Variants in DYNC1I1 observed in about 807,000 individuals in gnomAD.
DYNC1I1 encodes dynein cytoplasmic 1 intermediate chain 1, also known as cytoplasmic dynein 1 intermediate chain 1.
A neutral mutation model predicts 86.6 loss-of-function variants in DYNC1I1; 43 were observed. The observed-to-expected ratio is 0.50, with a 90% CI of 0.39 to 0.64. DYNC1I1 has a LOEUF of 0.64. DYNC1I1 is among the 30% of genes least tolerant of loss of function. The pLI, the probability that DYNC1I1 is intolerant of heterozygous loss-of-function variation, is 0.00. For missense variants in DYNC1I1, 604 were observed against 788.8 expected, an observed-to-expected ratio of 0.77 and a Z score of 2.81; for synonymous variants, 262 against 283.7, an observed-to-expected ratio of 0.92 and a Z score of 0.77.
chr7:95,987,604 G>T lies in DYNC1I1; in HGVS notation c.843+449G>T, dbSNP rs137899512. Among the ~76,000 whole-genome samples the T allele has an allele frequency of 3.3e-3, 505 of 152,176 alleles. 10 individuals carry two copies. Among genetic ancestry groups the T allele is most frequent in the Admixed American group, 0.026 (400 of 15,268 alleles). On this transcript the variant is annotated intron_variant, in intron 9 of 16. Coordinates refer to ENST00000447467, the MANE Select transcript of DYNC1I1 (RefSeq NM_001135556.2). ...TCTTTTTCCTCTGACCATCCTTGAGGTCCCTGTGGTCATGCTCTCAACCCC... is the reference window on the plus strand; with the variant it reads ...TCTTTTTCCTCTGACCATCCTTGAGTTCCCTGTGGTCATGCTCTCAACCCC...
rs148072013 is a variant in DYNC1I1 at position 95,846,553 on chromosome 7, AG to A, written c.374+18438del. On this transcript the variant is annotated intron_variant, in intron 5 of 16. Coordinates refer to ENST00000447467, the MANE Select transcript of DYNC1I1 (RefSeq NM_001135556.2). The stretch of plus-strand genomic sequence containing the variant: ...CATCCTTCTTGAAGTAGTCAGAAAA[AG>A]TCAACCATCAAGCTGTTTCCCAGTA... Among the ~76,000 whole-genome samples the A allele has an allele frequency of 4.0e-3, 616 of 152,264 alleles. 7 individuals are homozygous for A. The highest frequency in any genetic ancestry group is 0.013 in the African/African-American group (536 of 41,552).
At chr7:95,927,100 G>A (rs1038440857) in intron 6 of DYNC1I1, among the ~76,000 whole-genome samples, 1 of 152,050 alleles carries the variant, frequency 6.6e-6, no homozygotes, top group Non-Finnish European at 1.5e-5. Context: ...GTTTACAGAT[G>A]ATTTTATTCC....
chr7:95,996,577 T>C (rs1410838624), intron 10 of DYNC1I1, among the ~76,000 whole-genome samples: 1 of 152,232 alleles, frequency 6.6e-6, no homozygotes, highest in Non-Finnish European at 1.5e-5. Flanking sequence ...CTGGGAAATA[T>C]AGATGCTGTT....
At chr7:95,937,481 A>G (rs936659425) in intron 6 of DYNC1I1, among the ~76,000 whole-genome samples, 1 of 150,036 alleles carries the variant, frequency 6.7e-6, no homozygotes, top group Non-Finnish European at 1.5e-5. Context: ...AATTCGATGT[A>G]TGGACCTTAA....
intron 6 of DYNC1I1, among the ~76,000 whole-genome samples, chr7:95,941,964 A>G (rs976720948): frequency 7.2e-5 from 11 of 152,196 alleles, no homozygotes; most frequent in Non-Finnish European, 1.5e-4. Flanking sequence ...TAAAAGAACT[A>G]GAAAAGCAAG....
rs1258599037 is a variant in DYNC1I1, at chr7:95,772,615, C to T, written c.-168C>T. The T allele has an allele frequency of 6.6e-6, 1 of 152,216 alleles. No individual in the cohort carries two copies. The highest frequency in any genetic ancestry group is 2.0e-4 in the East Asian group (1 of 5,126). The allele number at this position is 152,216 out of a possible 1,614,324, so 9.4% of individuals were successfully genotyped here. A position where few individuals can be genotyped will look rare whatever the true frequency, so the allele number is the denominator to read the frequency against. On this transcript the variant is annotated 5_prime_UTR_variant, in exon 1 of 17. Transcript: ENST00000447467. Reference sequence around the variant, plus strand: ...CTGGGAGAGAGGAAGTGATCGCTCCCGGAGGAGCGCGAGCCGAGCGGCCGG... The same window carrying T: ...CTGGGAGAGAGGAAGTGATCGCTCCTGGAGGAGCGCGAGCCGAGCGGCCGG...
chr7:96,023,697 A>T (rs1441721260), intron 10 of DYNC1I1, among the ~76,000 whole-genome samples: 1 of 152,090 alleles, frequency 6.6e-6, no homozygotes, highest in African/African-American at 2.4e-5. Context: ...AAGAGGTGGA[A>T]CTCTGTTTAG....
intron 16 of DYNC1I1, among the ~76,000 whole-genome samples, chr7:96,083,032 T>A (rs1420634096): frequency 6.6e-6 from 1 of 152,260 alleles, no homozygotes; most frequent in East Asian, 1.9e-4. Flanking sequence ...GAAAAATCTC[T>A]GTGACATATA....
At chr7:95,996,295 C>T (rs1241499063) in intron 10 of DYNC1I1, among the ~76,000 whole-genome samples, 1 of 152,182 alleles carries the variant, frequency 6.6e-6, no homozygotes, top group East Asian at 1.9e-4. Flanking sequence ...CATTTTCTTT[C>T]TATTTAAAAC....
chr7:96,068,771 CCTTT>C lies in DYNC1I1; in HGVS notation c.1510-7281_1510-7278del, dbSNP rs369204243. The stretch of plus-strand genomic sequence containing the variant: ...TGAGTTTATATCTGATATTTTTATG[CCTTT>C]CTTTAAGAATTGTGTGTATATGTAC... On this transcript the variant is annotated intron_variant, in intron 14 of 16. Transcript: ENST00000447467. Among the ~76,000 whole-genome samples, 852 of 152,018 alleles carry C rather than the reference CCTTT, an allele frequency of 5.6e-3. 8 individuals carry two copies. The highest frequency in any genetic ancestry group is 0.019 in the African/African-American group (794 of 41,462).
intron 9 of DYNC1I1, among the ~76,000 whole-genome samples, chr7:95,991,537 C>G (rs1245367810): frequency 6.6e-6 from 1 of 152,156 alleles, no homozygotes; most frequent in East Asian, 1.9e-4. Context: ...TTTGCCAGCT[C>G]CCAGGTCCTG....
intron 11 of DYNC1I1, among the ~76,000 whole-genome samples, chr7:96,031,291 C>T (rs1368563477): frequency 6.6e-6 from 1 of 151,918 alleles, no homozygotes; most frequent in Non-Finnish European, 1.5e-5. Flanking sequence ...AACCAGGTAC[C>T]CAAGGAACAG....
chr7:95,780,268 C>T (rs1793953000), intron 1 of DYNC1I1, among the ~76,000 whole-genome samples: 1 of 151,580 alleles, frequency 6.6e-6, no homozygotes, highest in African/African-American at 2.4e-5. Flanking sequence ...AATCACTTCC[C>T]CCACTTTTTT....
chr7:95,859,903 G>T (rs1416164719), intron 5 of DYNC1I1, among the ~76,000 whole-genome samples: 1 of 152,154 alleles, frequency 6.6e-6, no homozygotes, highest in South Asian at 2.1e-4. Flanking sequence ...CTTGCTTCCC[G>T]CTCCTTCTCC....
intron 6 of DYNC1I1, among the ~76,000 whole-genome samples, chr7:95,886,950 G>A (rs1423108068): frequency 2.6e-5 from 4 of 152,148 alleles, no homozygotes; most frequent in Admixed American, 2.6e-4. Context: ...ATACGACAGG[G>A]CAGTTTTCAA....
chr7:95,923,290 T>C (rs938025242), intron 6 of DYNC1I1, among the ~76,000 whole-genome samples: 6 of 152,144 alleles, frequency 3.9e-5, no homozygotes, highest in East Asian at 1.9e-4. Flanking sequence ...CTCTGACTTA[T>C]TCAATGTGAA....
At chr7:95,779,825 T>C (rs917858312) in intron 1 of DYNC1I1, among the ~76,000 whole-genome samples, 3 of 152,200 alleles carry the variant, frequency 2.0e-5, no homozygotes, top group African/African-American at 7.2e-5. Context: ...CTTCCTGAAA[T>C]GTAGCGCCCA....
Position 95,891,931 on chromosome 7 carries a change from A to T in DYNC1I1, c.490+21933A>T, listed in dbSNP as rs553798289. Among the ~76,000 whole-genome samples, 112 of 151,690 alleles carry T rather than the reference A, an allele frequency of 7.4e-4. 2 individuals carry two copies. In the South Asian group the frequency reaches 0.019, roughly 26 times the overall value. ...GTGGTTATTGTCCCCTACACAGTACATGTTAGTTGTAAGTTCTGGTAAATT... is the reference window on the plus strand; with the variant it reads ...GTGGTTATTGTCCCCTACACAGTACTTGTTAGTTGTAAGTTCTGGTAAATT... On this transcript the variant is annotated intron_variant, in intron 6 of 16. Coordinates refer to ENST00000447467, the MANE Select transcript of DYNC1I1 (RefSeq NM_001135556.2).
chr7:96,054,576 G>A (rs180775901), intron 14 of DYNC1I1, among the ~76,000 whole-genome samples: 54 of 152,272 alleles, frequency 3.5e-4, no homozygotes, highest in African/African-American at 1.3e-3. Flanking sequence ...CTTCCACAAT[G>A]GTTGAACTAA....
Sources: allele counts gnomAD v4.1 joint callset (sites outside exome capture counted in the v4.1 genomes callset), GRCh38; gene constraint gnomAD v4.1.1; transcripts MANE v1.5; gene names NCBI Gene and HGNC (gene_info 2026-07-23, HGNC 2026-07-21).